ENOX2: variants seen among roughly 807,000 people sequenced by gnomAD.
ENOX2 encodes APK1 antigen.
Under a neutral mutation model 45.0 loss-of-function variants are expected in ENOX2, and 36 were observed. The observed-to-expected ratio is 0.80, with a 90% confidence interval of 0.61 to 1.06. ENOX2 has a LOEUF of 1.06. Ranked by LOEUF, ENOX2 falls within the 50% of genes least tolerant of loss-of-function variation. The probability of loss-of-function intolerance (pLI) is 0.00; values close to 1 mark genes in which losing one functional copy is unlikely to be tolerated. For synonymous variants in ENOX2, 174 were observed against 152.3 expected (o/e 1.14, Z -1.05); for missense variants, 423 against 462.5 (o/e 0.91, Z 0.78).
intron 4 of ENOX2, among the ~76,000 whole-genome samples, chrX:130,691,411 A>C (rs746732385): frequency 9.0e-6 from 1 of 111,534 alleles, no homozygotes; most frequent in African/African-American, 3.3e-5. Context: ...TAGGCTTCCT[A>C]TATGTCAGGC....
chrX:130,813,974 G>C (rs752148633), intron 2 of ENOX2, among the ~76,000 whole-genome samples: 2 of 112,277 alleles, frequency 1.8e-5, no homozygotes, highest in African/African-American at 3.2e-5. Context: ...CCCCCATGGA[G>C]CCAAGCTAAG....
At chrX:130,632,369 G>GGGA (rs1556405756) in intron 12 of ENOX2, among the ~76,000 whole-genome samples, 1 of 47,252 alleles carries the variant, frequency 2.1e-5, no homozygotes, top group Non-Finnish European at 3.9e-5. Flanking sequence ...AGGGGCGGGG[G>GGGA]GGGGGGGTGG....
At chrX:130,701,851 T>C (rs923446289) in intron 4 of ENOX2, among the ~76,000 whole-genome samples, 3 of 112,444 alleles carry the variant, frequency 2.7e-5, no homozygotes, top group Admixed American at 1.9e-4. Context: ...TCATTTCAAT[T>C]GTTGTTGTTC....
At chrX:130,795,999 G>A (rs1466539340) in intron 2 of ENOX2, among the ~76,000 whole-genome samples, 2 of 110,196 alleles carry the variant, frequency 1.8e-5, no homozygotes, top group Non-Finnish European at 3.8e-5. Context: ...GTGTATGTGT[G>A]TGTTCTGGGT....
intron 2 of ENOX2, among the ~76,000 whole-genome samples, chrX:130,802,205 G>T (rs1178610098): frequency 9.0e-6 from 1 of 111,723 alleles, no homozygotes; most frequent in African/African-American, 3.2e-5. Context: ...TCAACAAAAT[G>T]ATTTGGCTCA....
intron 2 of ENOX2, among the ~76,000 whole-genome samples, chrX:130,892,595 T>C (rs932511665): frequency 4.4e-5 from 5 of 112,745 alleles, no homozygotes; most frequent in Non-Finnish European, 9.4e-5. Flanking sequence ...CTAGCTCTGT[T>C]TCTGCTCATC....
intron 7 of ENOX2, among the ~76,000 whole-genome samples, chrX:130,668,948 A>T (rs753322196): frequency 8.9e-6 from 1 of 112,080 alleles, no homozygotes; most frequent in East Asian, 2.8e-4. Context: ...CAGCCTTTCC[A>T]GTTTTTCAAA....
intron 12 of ENOX2, 113 bp downstream of exon 12, chrX:130,634,871 G>C: frequency 2.3e-6 from 1 of 436,228 alleles, no homozygotes; most frequent in Non-Finnish European, 3.9e-6. Flanking sequence ...TTCCCAATCG[G>C]CCAAAAATGT....
intron 10 of ENOX2, chrX:130,646,471 G>A (rs2036238617): frequency 5.8e-6 from 1 of 173,273 alleles, no homozygotes; most frequent in Non-Finnish European, 1.1e-5. Flanking sequence ...ACCACTTCTT[G>A]TGTTGTCATC....
chrX:130,683,121 A>G (rs1337547064), intron 5 of ENOX2, among the ~76,000 whole-genome samples: 1 of 112,010 alleles, frequency 8.9e-6, no homozygotes, highest in Non-Finnish European at 1.9e-5. Context: ...TAGCAATTCT[A>G]ATTATACCCA....
intron 2 of ENOX2, among the ~76,000 whole-genome samples, chrX:130,832,144 T>C (rs1190117773): frequency 9.0e-6 from 1 of 111,005 alleles, no homozygotes; most frequent in Non-Finnish European, 1.9e-5. Flanking sequence ...TAATGCTCTC[T>C]TTGTCAAATA....
intron 2 of ENOX2, among the ~76,000 whole-genome samples, chrX:130,789,067 G>A (rs931254648): frequency 9.1e-6 from 1 of 110,380 alleles, no homozygotes; most frequent in African/African-American, 3.3e-5. Context: ...GGGAAAGGGT[G>A]GGGGTGGGGT....
At chrX:130,776,468 T>C (rs192897976) in intron 3 of ENOX2, among the ~76,000 whole-genome samples, 1 of 109,843 alleles carries the variant, frequency 9.1e-6, no homozygotes, top group Admixed American at 9.8e-5. Flanking sequence ...TGTTGTAAAG[T>C]GTGGCGTCTC....
intron 2 of ENOX2, among the ~76,000 whole-genome samples, chrX:130,821,034 G>T (rs1244306388): frequency 8.9e-6 from 1 of 111,895 alleles, no homozygotes; most frequent in Non-Finnish European, 1.9e-5. Flanking sequence ...CACAATTTAT[G>T]CATATTTCAA....
intron 3 of ENOX2, among the ~76,000 whole-genome samples, chrX:130,760,673 C>T (rs562700164): frequency 9.5e-6 from 1 of 105,550 alleles, no homozygotes; most frequent in African/African-American, 3.5e-5. Context: ...GTAGTCCCAG[C>T]TACTCGGGAG....
rs765836081 is a variant in ENOX2, at chrX:130,716,404, C to CT, written c.-38-13151dup. Among the ~76,000 whole-genome samples, 955 of 112,128 alleles carry CT rather than the reference C, an allele frequency of 8.5e-3. 12 individuals carry two copies. Among genetic ancestry groups the CT allele is most frequent in the African/African-American group, 0.029 (907 of 30,878 alleles). ...CAGACCTGCTGCCAAAACCTATTTGCTTTTTTCCTCTAAAACCATGGATGA... is the reference window on the plus strand; with the variant it reads ...CAGACCTGCTGCCAAAACCTATTTGCTTTTTTTCCTCTAAAACCATGGATGA... On this transcript the variant is annotated intron_variant, in intron 3 of 14. Coordinates refer to ENST00000394363, the MANE Select transcript of ENOX2 (RefSeq NM_006375.4).
intron 2 of ENOX2, among the ~76,000 whole-genome samples, chrX:130,882,114 T>C (rs1276738670): frequency 9.0e-6 from 1 of 111,227 alleles, no homozygotes; most frequent in Non-Finnish European, 1.9e-5. Flanking sequence ...ATTGAGCAGC[T>C]CTACGATCGC....
At chrX:130,688,795 A>C in intron 5 of ENOX2, 68 bp downstream of exon 5, 1 of 865,889 alleles carries the variant, frequency 1.2e-6, no homozygotes, top group Non-Finnish European at 1.6e-6. Context: ...TATTCTTTTG[A>C]GAAAGAAGAA....
intron 6 of ENOX2, among the ~76,000 whole-genome samples, chrX:130,677,948 G>A (rs1457874641): frequency 2.7e-5 from 3 of 109,115 alleles, no homozygotes; most frequent in Non-Finnish European, 5.7e-5. Flanking sequence ...TTAGCCGGGC[G>A]TGGTGGCAGG....
Sources: allele counts gnomAD v4.1 joint callset (sites outside exome capture counted in the v4.1 genomes callset), GRCh38; gene constraint gnomAD v4.1.1; transcripts MANE v1.5; gene names NCBI Gene and HGNC (gene_info 2026-07-23, HGNC 2026-07-21).